LRRC75B: variants seen among roughly 807,000 people sequenced by gnomAD.
The protein encoded by LRRC75B is leucine rich repeat containing 75B, also known as leucine-rich repeat-containing protein 75B.
In LRRC75B, 20 loss-of-function variants were observed where a neutral mutation model predicts 16.5. The observed-to-expected ratio is 1.21, with a 90% CI of 0.85 to 1.76. LRRC75B has a LOEUF of 1.76. LRRC75B is among the 40% of genes most tolerant of loss of function. The probability of loss-of-function intolerance (pLI) is 0.00; values close to 1 mark genes in which losing one functional copy is unlikely to be tolerated. For synonymous variants in LRRC75B, 199 were observed against 198.1 expected (o/e 1.00, Z -0.04); for missense variants, 406 against 417.0 (o/e 0.97, Z 0.23).
chr22:24,587,031 T>G (rs1601586108), intron 3 of LRRC75B, among the ~76,000 whole-genome samples: 1 of 152,334 alleles, frequency 6.6e-6, no homozygotes, highest in Middle Eastern at 3.4e-3. Context: ...ATTTTTCAGA[T>G]AGGTGAAGTA....
intron 2 of LRRC75B, 45 bp downstream of exon 2, chr22:24,589,776 G>C: frequency 6.4e-7 from 1 of 1,568,966 alleles, no homozygotes; most frequent in Non-Finnish European, 8.6e-7. Flanking sequence ...TGGCCCCCCT[G>C]TCCACCACAG....
In LRRC75B at chr22:24,586,719, C is replaced by T. The variant is rs575988860; in HGVS notation, c.423-308G>A. Among the ~76,000 whole-genome samples, 29 of 152,280 alleles carry T rather than the reference C, an allele frequency of 1.9e-4. 1 individual carries two copies. The South Asian group carries it at 3.5e-3, about 18-fold the overall frequency. On this transcript the variant is annotated intron_variant, in intron 3 of 3. Transcript: ENST00000318753. ...GCTAATTTTGTATTTTTAGTAGAGGCGGGGTTTCTCCATCTTTGTCAGGCT... is the reference window on the plus strand; with the variant it reads ...GCTAATTTTGTATTTTTAGTAGAGGTGGGGTTTCTCCATCTTTGTCAGGCT...
chr22:24,589,653 G>C, intron 2 of LRRC75B, 168 bp downstream of exon 2: 4 of 791,644 alleles, frequency 5.1e-6, no homozygotes, highest in Non-Finnish European at 7.6e-6. Flanking sequence ...CTGGTGGCCA[G>C]CCTAATATAC....
At chr22:24,587,428 T>C (rs1012100474) in intron 3 of LRRC75B, among the ~76,000 whole-genome samples, 7 of 152,178 alleles carry the variant, frequency 4.6e-5, no homozygotes, top group African/African-American at 1.7e-4. Context: ...CTGACAGCAG[T>C]GAGCACACCC....
At position 24,586,457 on chromosome 22, in the gene LRRC75B, C is replaced by T. The variant is rs746504984; in HGVS notation, c.423-46G>A. The T allele has an allele frequency of 1.0e-5, 16 of 1,565,540 alleles. No homozygotes were observed. The Admixed American group carries it at 2.4e-4, about 24-fold the overall frequency. ...GGGATGGACTAGGCAACCAGGCAGTCCCCCCACTGACCACAGACAGTGACC... is the reference window on the plus strand; with the variant it reads ...GGGATGGACTAGGCAACCAGGCAGTTCCCCCACTGACCACAGACAGTGACC... On this transcript the variant is annotated intron_variant, in intron 3 of 3. Transcript: ENST00000318753.
Position 24,585,865 on chromosome 22 carries a change from A to T in LRRC75B, c.*21T>A. The T allele has an allele frequency of 6.4e-7, 1 of 1,551,656 alleles. No individual in the cohort carries two copies. The highest frequency in any genetic ancestry group is 8.7e-7 in the Non-Finnish European group (1 of 1,150,748). On this transcript the variant is annotated 3_prime_UTR_variant, in exon 4 of 4. Transcript: ENST00000318753. ...TTGAGAGCATCACAAGTCAGTAGCA[A>T]TGAGCCAGGTGGGTGGTGGGTCACC... is the stretch of plus-strand genomic sequence containing the variant.
In LRRC75B at chr22:24,592,868, G is replaced by A; in HGVS notation, c.172C>T (p.Arg58Cys). The change falls in exon 1 of 4, where the codon CGC becomes TGC. Residue 58 changes from arginine to cysteine, a missense_variant. Physicochemically the swap from Arg to Cys is radical, Grantham distance 180. Transcript: ENST00000318753. Reference protein sequence around the residue: ...ERARQLLRLLRQDLGLERTLL... With the variant: ...ERARQLLRLLCQDLGLERTLL... ...CGGACGGCTCCTTCTCTCGCCTGGCGCAGGAGGCGCAGCAGCTGCCGGGCG... is the reference window on the plus strand; with the variant it reads ...CGGACGGCTCCTTCTCTCGCCTGGCACAGGAGGCGCAGCAGCTGCCGGGCG... 2 of 1,282,894 alleles carry A rather than the reference G, an allele frequency of 1.6e-6. No homozygotes were observed. The highest frequency in any genetic ancestry group is 2.0e-6 in the Non-Finnish European group (2 of 1,014,754). 79.5% of individuals were successfully genotyped at this position (1,282,894 alleles called of 1,614,324 possible).
At chr22:24,587,835 G>A (rs544105301) in intron 3 of LRRC75B, among the ~76,000 whole-genome samples, 14 of 152,220 alleles carry the variant, frequency 9.2e-5, no homozygotes, top group East Asian at 7.7e-4. Flanking sequence ...TGAGAATCGC[G>A]ATCCAGAATC....
chr22:24,587,282 G>A (rs1234636600), intron 3 of LRRC75B, among the ~76,000 whole-genome samples: 4 of 152,220 alleles, frequency 2.6e-5, no homozygotes, highest in Non-Finnish European at 5.9e-5. Context: ...GGCCGGCCAT[G>A]AGGGAGGGCT....
At chr22:24,588,586 A>C in intron 2 of LRRC75B, 1 of 919,438 alleles carries the variant, frequency 1.1e-6, no homozygotes, top group East Asian at 3.7e-5. Context: ...AGCCCAGACA[A>C]TGAGCCCTTG....
intron 1 of LRRC75B, chr22:24,592,661 C>T: frequency 2.3e-6 from 2 of 857,108 alleles, no homozygotes; most frequent in Non-Finnish European, 3.3e-6. Context: ...TCACTCCAGG[C>T]GGTCGCCCTC....
In LRRC75B at chr22:24,585,914, G is replaced by T; in HGVS notation, c.920C>A (p.Pro307His). The T allele has an allele frequency of 6.2e-7, 1 of 1,602,362 alleles. No individual in the cohort carries two copies. The highest frequency in any genetic ancestry group is 2.2e-5 in the East Asian group (1 of 44,544). The change falls in exon 4 of 4, where the codon CCC becomes CAC. Residue 307 changes from proline to histidine, a missense_variant. Physicochemically the swap from Pro to His is moderately conservative, Grantham distance 77 (BLOSUM62 -2). Coordinates refer to ENST00000318753, the MANE Select transcript of LRRC75B (RefSeq NM_207644.3). Reference protein sequence around the residue: ...TWDSTAAGLGPEPQACCAR With the variant: ...TWDSTAAGLGHEPQACCAR Reference sequence around the variant, plus strand: ...CCTGGCACAGCAGGCCTGGGGCTCGGGTCCCAGCCCAGCAGCTGTGGAGTC... The same window carrying T: ...CCTGGCACAGCAGGCCTGGGGCTCGTGTCCCAGCCCAGCAGCTGTGGAGTC...
At chr22:24,589,229 A>T in intron 2 of LRRC75B, 5 of 1,258,928 alleles carry the variant, frequency 4.0e-6, no homozygotes, top group Non-Finnish European at 5.2e-6. Flanking sequence ...TCATGGCAGG[A>T]CATCTGCAGG....
rs769761626 is a variant in LRRC75B at position 24,586,074 on chromosome 22, A to C, written c.760T>G (p.Ser254Ala). The C allele has an allele frequency of 4.3e-6, 7 of 1,612,166 alleles. No individual in the cohort carries two copies. The change falls in exon 4 of 4, where the codon TCC becomes GCC. Residue 254 changes from serine (S) to alanine (A), a missense_variant. Transcript: ENST00000318753. The part of the protein sequence containing the change: ...VDLGNNVDVA[S>A]LPQPLLVGLR... ...CCGACCAGCAGGGGCTGGGGCAGGG[A>C]AGCCACATCCACGTTGTTGCCCAGG...
At chr22:24,587,543 G>A (rs539708844) in intron 3 of LRRC75B, among the ~76,000 whole-genome samples, 1 of 152,330 alleles carries the variant, frequency 6.6e-6, no homozygotes, top group Non-Finnish European at 1.5e-5. Context: ...GACAGGGGAG[G>A]CCTGCTAGGG....
At chr22:24,589,263 C>A in intron 2 of LRRC75B, 3 of 1,267,234 alleles carry the variant, frequency 2.4e-6, no homozygotes, top group Non-Finnish European at 3.1e-6. Flanking sequence ...GGGTTCTGGG[C>A]AGCTGTGGGG....
At position 24,586,365 on chromosome 22, in the gene LRRC75B, C is replaced by T. The variant is rs2045393392; in HGVS notation, c.469G>A (p.Asp157Asn). The change falls in exon 4 of 4, where the codon GAC (aspartate) becomes AAC (asparagine). Residue 157 changes from aspartate (D) to asparagine (N), a missense_variant. By Grantham distance (23) the Asp-to-Asn change is conservative (BLOSUM62 1). Transcript: ENST00000318753. ...GTCGACAGCGGGATGCCTGAGAGGTCCACAGTCTCCCCTGCCAGCAGAGTC... is the reference window on the plus strand; with the variant it reads ...GTCGACAGCGGGATGCCTGAGAGGTTCACAGTCTCCCCTGCCAGCAGAGTC... ...QKTLLAGETVDLSGIPLSTQD... is the reference protein window; with the variant it reads ...QKTLLAGETVNLSGIPLSTQD... 2 of 1,613,706 alleles carry T rather than the reference C, an allele frequency of 1.2e-6. No homozygotes were observed. Among genetic ancestry groups the T allele is most frequent in the East Asian group, 2.2e-5 (1 of 44,900 alleles).
At chr22:24,592,137 G>A in intron 1 of LRRC75B, 1 of 381,430 alleles carries the variant, frequency 2.6e-6, no homozygotes, top group Non-Finnish European at 5.3e-6. Flanking sequence ...ACGGGGTGGT[G>A]AGGGAAGTGG....
intron 1 of LRRC75B, 61 bp downstream of exon 1, chr22:24,592,802 C>T: frequency 8.0e-7 from 1 of 1,243,142 alleles, no homozygotes; most frequent in Non-Finnish European, 1.0e-6. Context: ...GCCTCCCAGA[C>T]CCCCAGACCC....
Sources: allele counts gnomAD v4.1 joint callset (sites outside exome capture counted in the v4.1 genomes callset), GRCh38; gene constraint gnomAD v4.1.1; transcripts MANE v1.5; gene names NCBI Gene and HGNC (gene_info 2026-07-23, HGNC 2026-07-21).